IBA57: variants seen among roughly 807,000 people sequenced by gnomAD.
IBA57 encodes the protein iron-sulfur cluster assembly factor IBA57.
In IBA57, 20 loss-of-function variants were observed where a neutral mutation model predicts 20.4. That is an observed-to-expected ratio of 0.98 (90% CI 0.69 to 1.42). The LOEUF (loss-of-function observed/expected upper bound fraction) is 1.42, where lower values mean the gene tolerates loss of function less well. IBA57 is among the 40% of genes most tolerant of loss of function. IBA57 has a pLI of 0.00. For synonymous variants in IBA57, 310 were observed against 233.9 expected (o/e 1.33, Z -2.97); for missense variants, 608 against 499.3 (o/e 1.22, Z -2.07).
chr1:228,173,734 C>T (rs1407796398), intron 1 of IBA57, among the ~76,000 whole-genome samples: 2 of 152,196 alleles, frequency 1.3e-5, no homozygotes, highest in African/African-American at 4.8e-5. Context: ...CTGTGCACAC[C>T]GTTCCCCTGC....
In IBA57 at chr1:228,178,015, G is replaced by GTT. The variant is rs2035052504; in HGVS notation, c.*2503_*2504insTT. ...AAAAACATAGGAAGTTCGTGTGTGTGTGTGTGTGTGTGAATTCAAGGCATA... is the reference window on the plus strand; with the variant it reads ...AAAAACATAGGAAGTTCGTGTGTGTGTTTGTGTGTGTGTGAATTCAAGGCATA... On this transcript the variant is annotated 3_prime_UTR_variant, in exon 3 of 3. Transcript: ENST00000366711. The GTT allele has an allele frequency of 6.6e-6, 1 of 150,452 alleles. No homozygotes were observed. The highest frequency in any genetic ancestry group is 6.6e-5 in the Admixed American group (1 of 15,230). The allele number at this position is 150,452 out of a possible 1,614,324, so 9.3% of individuals were successfully genotyped here. A position where few individuals can be genotyped will look rare whatever the true frequency, so the allele number is the denominator to read the frequency against.
rs2035037767 is a variant in IBA57, at chr1:228,177,087, C to T, written c.*1574C>T. 1 of 152,326 alleles carries T rather than the reference C, an allele frequency of 6.6e-6. No homozygotes were observed. Among genetic ancestry groups the T allele is most frequent in the Admixed American group, 6.5e-5 (1 of 15,290 alleles). The allele number at this position is 152,326 out of a possible 1,614,324, so 9.4% of individuals were successfully genotyped here. ...TTAAACTGGCATGGAGACATTTGATCAGCTTCCCAGCCAGTTTTCTCTCCA... is the reference window on the plus strand; with the variant it reads ...TTAAACTGGCATGGAGACATTTGATTAGCTTCCCAGCCAGTTTTCTCTCCA... On this transcript the variant is annotated 3_prime_UTR_variant, in exon 3 of 3. Transcript: ENST00000366711.
intron 1 of IBA57, 134 bp from the exon 2 acceptor site, chr1:228,174,558 G>C: frequency 1.2e-6 from 1 of 833,902 alleles, no homozygotes; most frequent in Non-Finnish European, 1.8e-6. Context: ...GCAGCCCCTT[G>C]TGGCTGAGGG....
At chr1:228,172,506 C>T (rs1328162213) in intron 1 of IBA57, 1 of 152,336 alleles carries the variant, frequency 6.6e-6, no homozygotes, top group Non-Finnish European at 1.5e-5. Flanking sequence ...CTGTCCATCT[C>T]CAGCTCCCTG....
rs1257449441 is a variant in IBA57, at chr1:228,175,266, T to C, written c.824T>C (p.Ile275Thr). 2.5e-6 allele frequency: 4 copies of C among 1,612,640 alleles called. No individual in the cohort carries two copies. In the African/African-American group the frequency reaches 4.0e-5, roughly 16 times the overall value. ...GCCCGCACCCACCACATGGGCGTCA[T>C]CCGCAAGCGCCTCTTCCCTGTCCGG... ...LTARTHHMGV[I>T]RKRLFPVRFL... Residue 275 changes from isoleucine to threonine, a missense_variant, in exon 3 of 3, where the codon ATC becomes ACC. Physicochemically the swap from Ile to Thr is moderately conservative, Grantham distance 89. Coordinates refer to ENST00000366711, the MANE Select transcript of IBA57 (RefSeq NM_001010867.4).
chr1:228,177,135 G>GA lies in IBA57; in HGVS notation c.*1622_*1623insA, dbSNP rs1045072874. 2.6e-5 allele frequency: 4 copies of GA among 152,326 alleles called. No individual in the cohort carries two copies. The highest frequency in any genetic ancestry group is 9.6e-5 in the African/African-American group (4 of 41,470). 9.4% of individuals were successfully genotyped at this position (152,326 alleles called of 1,614,324 possible). On this transcript the variant is annotated 3_prime_UTR_variant, in exon 3 of 3. Coordinates refer to ENST00000366711, the MANE Select transcript of IBA57 (RefSeq NM_001010867.4). ...CCAGCTCAGCCAGGAGTGGGTGCCTGTGGCCTGTGTCACCAAGAGCTGGTG... is the reference window on the plus strand; with the variant it reads ...CCAGCTCAGCCAGGAGTGGGTGCCTGATGGCCTGTGTCACCAAGAGCTGGTG...
intron 1 of IBA57, chr1:228,172,788 G>A (rs2034945877): frequency 6.6e-6 from 1 of 152,430 alleles, no homozygotes; most frequent in Admixed American, 6.5e-5. Flanking sequence ...TCCTCATGCT[G>A]GCCAGTGTTC....
chr1:228,165,966 CT>C lies in IBA57; in HGVS notation c.152del (p.Phe51SerfsTer21). The C allele has an allele frequency of 6.6e-7, 1 of 1,515,986 alleles. No homozygotes were observed. The highest frequency in any genetic ancestry group is 2.0e-5 in the Admixed American group (1 of 49,298). The allele number at this position is 1,515,986 out of a possible 1,614,324, so 93.9% of individuals were successfully genotyped here. On this transcript the variant is annotated frameshift_variant, in exon 1 of 3. Coordinates refer to ENST00000366711, the MANE Select transcript of IBA57 (RefSeq NM_001010867.4). LOFTEE classifies it high-confidence loss of function. Reference protein sequence around the residue: ...DPTAGAAWACFRLDGRTLLRV... With the variant: ...DPTAGAAWACXRLDGRTLLRV... Reference sequence around the variant, plus strand: ...CAACGGCCGGAGCGGCCTGGGCCTGCTTCCGGCTGGACGGGCGCACCCTGCT... The same window carrying C: ...CAACGGCCGGAGCGGCCTGGGCCTGCTCCGGCTGGACGGGCGCACCCTGCT...
chr1:228,175,629 T>C lies in IBA57; in HGVS notation c.*116T>C, dbSNP rs1482287641. The C allele has an allele frequency of 3.0e-6, 4 of 1,349,532 alleles. No individual in the cohort carries two copies. The Admixed American group carries it at 8.2e-5, about 28-fold the overall frequency. 83.6% of individuals were successfully genotyped at this position (1,349,532 alleles called of 1,614,324 possible). On this transcript the variant is annotated 3_prime_UTR_variant, in exon 3 of 3. Transcript: ENST00000366711. Reference sequence around the variant, plus strand: ...TGCGCCTACTGGGTGGGAGCCCTGGTTTCCATCTGGGAAAGTCCCCCTTGT... The same window carrying C: ...TGCGCCTACTGGGTGGGAGCCCTGGCTTCCATCTGGGAAAGTCCCCCTTGT...
chr1:228,176,615 G>T lies in IBA57; in HGVS notation c.*1102G>T, dbSNP rs1482615123. The T allele has an allele frequency of 6.6e-6, 1 of 152,434 alleles. No homozygotes were observed. The highest frequency in any genetic ancestry group is 1.5e-5 in the Non-Finnish European group (1 of 68,196). The allele number at this position is 152,434 out of a possible 1,614,324, so 9.4% of individuals were successfully genotyped here. A position where few individuals can be genotyped will look rare whatever the true frequency, so the allele number is the denominator to read the frequency against. On this transcript the variant is annotated 3_prime_UTR_variant, in exon 3 of 3. Coordinates refer to ENST00000366711, the MANE Select transcript of IBA57 (RefSeq NM_001010867.4). ...ATGGCTGTGAGCTGTCGGCTGCAGG[G>T]CGCAGGGCCTGGGGGGCAGGCGTTT...
rs971849200 is a variant in IBA57 at position 228,176,560 on chromosome 1, G to A, written c.*1047G>A. The A allele has an allele frequency of 2.0e-5, 3 of 152,442 alleles. No homozygotes were observed. Among genetic ancestry groups the A allele is most frequent in the African/African-American group, 4.8e-5 (2 of 41,470 alleles). 9.4% of individuals were successfully genotyped at this position (152,442 alleles called of 1,614,324 possible). On this transcript the variant is annotated 3_prime_UTR_variant, in exon 3 of 3. Coordinates refer to ENST00000366711, the MANE Select transcript of IBA57 (RefSeq NM_001010867.4). ...GGCCTCAGAGGCCCAGGCTGGGCACGTGGGTGCCGAGTCTGCAAAGGACAG... is the reference window on the plus strand; with the variant it reads ...GGCCTCAGAGGCCCAGGCTGGGCACATGGGTGCCGAGTCTGCAAAGGACAG...
chr1:228,168,107 T>G (rs1221091319), intron 1 of IBA57, among the ~76,000 whole-genome samples: 1 of 152,222 alleles, frequency 6.6e-6, no homozygotes, highest in Non-Finnish European at 1.5e-5. Flanking sequence ...CCTTCACCTC[T>G]GCCACCCTGA....
rs1210258017 is a variant in IBA57 at position 228,175,483 on chromosome 1, G to A, written c.1041G>A (p.Val347=). The change falls in exon 3 of 3, where the codon GTG becomes GTA. Residue 347 remains valine (V), a synonymous_variant. Transcript: ENST00000366711. ...EGAQVALAAS[V]PDWWPTVSK is the part of the protein sequence containing the mutation. ...CCCAGGTGGCCTTAGCCGCATCTGT[G>A]CCAGACTGGTGGCCTACAGTCTCCA... The A allele has an allele frequency of 6.3e-7, 1 of 1,589,224 alleles. No homozygotes were observed. Among genetic ancestry groups the A allele is most frequent in the African/African-American group, 1.3e-5 (1 of 74,460 alleles).
At chr1:228,172,751 C>CCAG (rs1156619117) in intron 1 of IBA57, 2 of 152,344 alleles carry the variant, frequency 1.3e-5, no homozygotes, top group African/African-American at 4.8e-5. Flanking sequence ...TGCCTCCCCA[C>CCAG]CAGCAGCATG....
intron 1 of IBA57, among the ~76,000 whole-genome samples, chr1:228,168,398 A>G (rs926890367): frequency 2.0e-5 from 3 of 152,198 alleles, no homozygotes; most frequent in African/African-American, 7.2e-5. Flanking sequence ...TGGGGAGTCA[A>G]AGCTTAAAGG....
At chr1:228,174,480 G>T (rs1456463794) in intron 1 of IBA57, 1 of 380,768 alleles carries the variant, frequency 2.6e-6, no homozygotes, top group African/African-American at 2.2e-5. Flanking sequence ...GGCGTGGCTC[G>T]CTGTGGGCGT....
chr1:228,169,361 TGTA>T (rs1571915194), intron 1 of IBA57, among the ~76,000 whole-genome samples: 1 of 152,370 alleles, frequency 6.6e-6, no homozygotes, highest in East Asian at 1.9e-4. Flanking sequence ...GTTTCCTGAA[TGTA>T]GCACCTTCTT....
rs2034902886 is a variant in IBA57, at chr1:228,170,127, C to A, written c.341+3970C>A. On this transcript the variant is annotated intron_variant, in intron 1 of 2. Transcript: ENST00000366711. The surrounding 1 kb of genome is among the most constrained non-coding windows in gnomAD (Gnocchi z 4.8). Reference sequence around the variant, plus strand: ...CTCATGATCCGCCCGCCTCGGCCTCCCAAAGTGCTGGGATTACAGGCGTGA... The same window carrying A: ...CTCATGATCCGCCCGCCTCGGCCTCACAAAGTGCTGGGATTACAGGCGTGA... Among the ~76,000 whole-genome samples the A allele has an allele frequency of 6.6e-6, 1 of 152,204 alleles. No individual in the cohort carries two copies. Among genetic ancestry groups the A allele is most frequent in the African/African-American group, 2.4e-5 (1 of 41,452 alleles).
At position 228,174,727 on chromosome 1, in the gene IBA57, TG is replaced by T; in HGVS notation, c.379del (p.Glu127SerfsTer124). 1 of 1,593,446 alleles carries T rather than the reference TG, an allele frequency of 6.3e-7. No homozygotes were observed. The highest frequency in any genetic ancestry group is 8.5e-7 in the Non-Finnish European group (1 of 1,171,784). ...QEHSEVSGFL[L>X]ECDSSVQGAL... ...CACTCGGAGGTGTCTGGCTTCCTTCTGGAGTGTGACAGCTCGGTGCAGGGCG... is the reference window on the plus strand; with the variant it reads ...CACTCGGAGGTGTCTGGCTTCCTTCTGAGTGTGACAGCTCGGTGCAGGGCG... On this transcript the variant is annotated frameshift_variant, in exon 2 of 3. Transcript: ENST00000366711. LOFTEE classifies it high-confidence loss of function.
Sources: allele counts gnomAD v4.1 joint callset (sites outside exome capture counted in the v4.1 genomes callset), GRCh38; gene constraint gnomAD v4.1.1; non-coding constraint Gnocchi (gnomAD v3.1); transcripts MANE v1.5; gene names NCBI Gene and HGNC (gene_info 2026-07-23, HGNC 2026-07-21).